MCUB: variants seen among roughly 807,000 people sequenced by gnomAD.
MCUB encodes the protein mitochondrial calcium uniporter dominant negative subunit beta.
Under a neutral mutation model 41.4 loss-of-function variants are expected in MCUB, and 46 were observed. The ratio of observed to expected loss-of-function variants is 1.11; its 90% CI spans 0.88 to 1.42. MCUB has a LOEUF of 1.42. Among genes scored for constraint, MCUB ranks in the 40% most tolerant of loss-of-function variants. The probability of loss-of-function intolerance (pLI) is 0.00; values close to 1 mark genes in which losing one functional copy is unlikely to be tolerated. For synonymous variants in MCUB, 148 were observed against 148.2 expected, an observed-to-expected ratio of 1.00 and a Z score of 0.01; for missense variants, 403 against 404.9, an observed-to-expected ratio of 1.00 and a Z score of 0.04.
At chr4:109,605,094 TA>T (rs1248765112) in intron 1 of MCUB, among the ~76,000 whole-genome samples, 3 of 152,206 alleles carry the variant, frequency 2.0e-5, no homozygotes, top group Non-Finnish European at 1.5e-5. Flanking sequence ...GTAGGATTGA[TA>T]TTAGTTCTTC....
intron 1 of MCUB, among the ~76,000 whole-genome samples, chr4:109,565,774 C>T (rs1429378148): frequency 6.6e-6 from 1 of 151,226 alleles, no homozygotes; most frequent in East Asian, 1.9e-4. Flanking sequence ...CAGAATGAAG[C>T]ATTAGAGAGA....
intron 1 of MCUB, among the ~76,000 whole-genome samples, chr4:109,630,601 A>T (rs1728454552): frequency 6.6e-6 from 1 of 151,850 alleles, no homozygotes; most frequent in Non-Finnish European, 1.5e-5. Flanking sequence ...GTTTTTTGAG[A>T]TGGATTTTTT....
chr4:109,678,889 T>C (rs1386138934), intron 4 of MCUB, among the ~76,000 whole-genome samples: 1 of 138,616 alleles, frequency 7.2e-6, no homozygotes, highest in East Asian at 2.2e-4. Flanking sequence ...ACTCCCCACT[T>C]CCCAGACGGG....
At chr4:109,673,975 T>C (rs1729516227) in intron 4 of MCUB, 1 of 908,750 alleles carries the variant, frequency 1.1e-6, no homozygotes, top group African/African-American at 1.6e-5. Context: ...TGCATATGGA[T>C]TACACAAACT....
rs78342737 is a variant in MCUB, at chr4:109,660,830, T to TA, written c.346+479dup. 3.6e-3 allele frequency among the ~76,000 whole-genome samples: 517 copies of TA among 143,722 alleles called. 3 individuals carry two copies. Among genetic ancestry groups the TA allele is most frequent in the African/African-American group, 0.011 (445 of 38,864 alleles). 94.3% of individuals were successfully genotyped at this position (143,722 alleles called of 152,430 possible). ...AAACTCCATCCCAAGAAAAGAAAAT[T>TA]AAAAAAAAAAAAAATTTAACTTCAT... On this transcript the variant is annotated intron_variant, in intron 3 of 7. Coordinates refer to ENST00000394650, the MANE Select transcript of MCUB (RefSeq NM_017918.5).
At chr4:109,607,519 C>T (rs940617700) in intron 1 of MCUB, among the ~76,000 whole-genome samples, 2 of 152,176 alleles carry the variant, frequency 1.3e-5, no homozygotes, top group Non-Finnish European at 2.9e-5. Flanking sequence ...TGCCCGGCCT[C>T]CTTTTCTTTC....
In MCUB at chr4:109,560,355, C is replaced by T. The variant is rs1726590619; in HGVS notation, c.18C>T (p.Leu6=). 3 of 1,315,972 alleles carry T rather than the reference C, an allele frequency of 2.3e-6. No homozygotes were observed. The highest frequency in any genetic ancestry group is 3.7e-5 in the Admixed American group (1 of 27,300). The allele number at this position is 1,315,972 out of a possible 1,614,324, so 81.5% of individuals were successfully genotyped here. A position where few individuals can be genotyped will look rare whatever the true frequency, so the allele number is the denominator to read the frequency against. Residue 6 remains leucine (L), a synonymous_variant, in exon 1 of 8, where the codon CTC becomes CTT. Transcript: ENST00000394650. MLQRG[L]WPWRTRLLPT... is the part of the protein sequence containing the mutation. ...GCGGGAGGATGCTCCAGAGGGGCCT[C>T]TGGCCGTGGCGCACGCGGCTGCTGC...
At chr4:109,566,479 A>AAAT (rs1726782042) in intron 1 of MCUB, among the ~76,000 whole-genome samples, 1 of 143,500 alleles carries the variant, frequency 7.0e-6, no homozygotes, top group Non-Finnish European at 1.6e-5. Context: ...CAAAAAAAAA[A>AAAT]AAATAAATAA....
At chr4:109,635,765 G>C (rs1728576057) in intron 1 of MCUB, among the ~76,000 whole-genome samples, 2 of 152,052 alleles carry the variant, frequency 1.3e-5, no homozygotes, top group African/African-American at 4.8e-5. Context: ...ACGTGTGTCT[G>C]TGTCTTCTCA....
chr4:109,625,088 T>G (rs371932840), intron 1 of MCUB, among the ~76,000 whole-genome samples: 5 of 152,054 alleles, frequency 3.3e-5, no homozygotes, highest in African/African-American at 9.7e-5. Flanking sequence ...TGCAGTGAGC[T>G]GAGATCGCAC....
chr4:109,598,847 A>G (rs1727656391), intron 1 of MCUB, among the ~76,000 whole-genome samples: 1 of 152,200 alleles, frequency 6.6e-6, no homozygotes, highest in South Asian at 2.1e-4. Context: ...TAAATTGGTA[A>G]CAAAGAAATA....
At chr4:109,641,355 C>T (rs1289134120) in intron 1 of MCUB, among the ~76,000 whole-genome samples, 9 of 151,528 alleles carry the variant, frequency 5.9e-5, no homozygotes, top group African/African-American at 1.9e-4. Context: ...CCGCCTGCCT[C>T]AGCCTCCCAA....
At chr4:109,635,342 C>T (rs60422601) in intron 1 of MCUB, among the ~76,000 whole-genome samples, 16,122 of 152,192 alleles carry the variant, frequency 0.11, 952 homozygotes, top group African/African-American at 0.14. Context: ...GGCCAGCAAC[C>T]TTTAATATGC....
Position 109,684,616 on chromosome 4 carries a change from CT to C in MCUB, c.792del (p.Phe264LeufsTer5). The C allele has an allele frequency of 2.6e-6, 4 of 1,561,344 alleles. No homozygotes were observed. The highest frequency in any genetic ancestry group is 1.4e-5 in the African/African-American group (1 of 73,868). On this transcript the variant is annotated frameshift_variant, in exon 6 of 8. Coordinates refer to ENST00000394650, the MANE Select transcript of MCUB (RefSeq NM_017918.5). LOFTEE classifies it high-confidence loss of function. ...YFITFANSMV[F>X]FAYFIVTRQD... ...TCATCACATTTGCAAATTCTATGGT[CT>C]TTTTTGCATACTTTATAGTCACTCG... is the stretch of plus-strand genomic sequence containing the variant.
chr4:109,573,222 G>A (rs997601956), intron 1 of MCUB, among the ~76,000 whole-genome samples: 1 of 152,126 alleles, frequency 6.6e-6, no homozygotes, highest in Non-Finnish European at 1.5e-5. Flanking sequence ...GGAGGCCGAG[G>A]TGGGCAGATC....
chr4:109,601,082 C>T (rs975154125), intron 1 of MCUB, among the ~76,000 whole-genome samples: 1 of 150,132 alleles, frequency 6.7e-6, no homozygotes, highest in Non-Finnish European at 1.5e-5. Context: ...CGTGAGCTAC[C>T]GCACCCGGCC....
At chr4:109,632,615 C>T (rs376081122) in intron 1 of MCUB, among the ~76,000 whole-genome samples, 9 of 116,966 alleles carry the variant, frequency 7.7e-5, no homozygotes, top group East Asian at 2.5e-4. Flanking sequence ...TCTGTCATTG[C>T]TTTTTTTTTT....
At chr4:109,666,228 T>C (rs1729343229) in intron 4 of MCUB, among the ~76,000 whole-genome samples, 1 of 152,228 alleles carries the variant, frequency 6.6e-6, no homozygotes, top group Non-Finnish European at 1.5e-5. Flanking sequence ...TACTTCCAAG[T>C]TTTGGCAATT....
At chr4:109,625,836 G>A (rs1036320965) in intron 1 of MCUB, among the ~76,000 whole-genome samples, 2 of 152,176 alleles carry the variant, frequency 1.3e-5, no homozygotes, top group Non-Finnish European at 2.9e-5. Flanking sequence ...GAGGAATGCA[G>A]TTTCCATTGA....
Sources: gnomAD v4.1 joint callset for allele counts (sites outside exome capture counted in the v4.1 genomes callset) on GRCh38, gnomAD v4.1.1 for gene constraint, MANE v1.5 for transcripts, NCBI Gene and HGNC (gene_info 2026-07-23, HGNC 2026-07-21) for gene names.